OGG1: variants seen among roughly 807,000 people sequenced by gnomAD.
OGG1 encodes N-glycosylase/DNA lyase.
OGG1 carries 35 observed loss-of-function variants against 42.3 expected under a neutral mutation model. The ratio of observed to expected loss-of-function variants is 0.83; its 90% CI spans 0.63 to 1.10. The LOEUF is 1.10. Ranked by LOEUF, OGG1 falls within the 50% of genes least tolerant of loss-of-function variation. OGG1 has a pLI of 0.00. For missense variants in OGG1, 484 were observed against 446.7 expected, an observed-to-expected ratio of 1.08 and a Z score of -0.75; for synonymous variants, 189 against 179.0, an observed-to-expected ratio of 1.06 and a Z score of -0.44.
rs535584369 is a variant in OGG1, at chr3:9,774,485, A to G, written c.295-7028A>G. ...CTTTTTTTCAAAAAGTGAAAACCCT[A>G]CTCTACTCCGAAATGGTAGCCAAAA... is the stretch of plus-strand genomic sequence containing the variant. On this transcript the variant is annotated intron_variant, in intron 2 of 3. Transcript: ENST00000426518. Among the ~76,000 whole-genome samples, 5 of 151,964 alleles carry G rather than the reference A, an allele frequency of 3.3e-5. No individual in the cohort carries two copies. The East Asian group carries it at 9.7e-4, about 29-fold the overall frequency.
intron 2 of OGG1, among the ~76,000 whole-genome samples, chr3:9,775,036 G>C (rs1256232568): frequency 1.3e-5 from 2 of 150,722 alleles, no homozygotes; most frequent in Non-Finnish European, 3.0e-5. Context: ...GATCACTTGA[G>C]CCCAGGAGTT....
downstream of OGG1, chr3:9,761,909 A>G: frequency 8.2e-7 from 1 of 1,218,190 alleles, no homozygotes. Flanking sequence ...GAAGCTCTCA[A>G]GAAGGCCAAA....
At chr3:9,779,508 C>A (rs1376109682) in intron 2 of OGG1, among the ~76,000 whole-genome samples, 2 of 150,496 alleles carry the variant, frequency 1.3e-5, no homozygotes, top group African/African-American at 4.9e-5. Flanking sequence ...GAAACCTGGA[C>A]CCTTGGGGGA....
chr3:9,784,323 GCA>G, intron 3 of OGG1: 1 of 1,394,748 alleles, frequency 7.2e-7, no homozygotes, highest in Non-Finnish European at 9.6e-7. Flanking sequence ...TTCCCTTTGG[GCA>G]CCCCCTCTGT....
In OGG1 at chr3:9,750,248, GGTAGGCGGGGCTA is replaced by G; in HGVS notation, c.-38_-26del. ...TGGGCGTCGACGAGGCCTGGTTCTG[GGTAGGCGGGGCTA>G]CTACGGGGCGGTGCCTGCTGTGGAA... On this transcript the variant is annotated 5_prime_UTR_variant, in exon 1 of 7. Transcript: ENST00000344629. The G allele has an allele frequency of 6.3e-7, 1 of 1,593,032 alleles. No homozygotes were observed. The highest frequency in any genetic ancestry group is 8.5e-7 in the Non-Finnish European group (1 of 1,169,714).
chr3:9,759,131 G>C, downstream of OGG1: 1 of 1,415,082 alleles, frequency 7.1e-7, no homozygotes, highest in East Asian at 2.3e-5. Flanking sequence ...TGCACTTCCC[G>C]GAATGGCTAT....
In OGG1 at chr3:9,754,717, G is replaced by A; in HGVS notation, c.579G>A (p.Glu193=). The change falls in exon 4 of 7, where the codon GAG becomes GAA. Residue 193 remains glutamate (E), a synonymous_variant. Coordinates refer to ENST00000344629, the MANE Select transcript of OGG1 (RefSeq NM_002542.6). ...CACTCCCCGCAGGGCCAGAGGTGGA[G>A]GCTCATCTCAGGAAGCTGGGCCTGG... The part of the protein sequence containing the change: ...SLQALAGPEV[E]AHLRKLGLGY... The A allele has an allele frequency of 6.2e-7, 1 of 1,614,164 alleles. No individual in the cohort carries two copies. Among genetic ancestry groups the A allele is most frequent in the Non-Finnish European group, 8.5e-7 (1 of 1,180,024 alleles).
At chr3:9,779,950 A>T (rs1317130543) in intron 2 of OGG1, 2 of 156,528 alleles carry the variant, frequency 1.3e-5, no homozygotes, top group Non-Finnish European at 2.8e-5. Context: ...TGTAACAGAC[A>T]TTCAAAGACT....
At chr3:9,761,834 C>A, downstream of OGG1, 1 of 1,558,560 alleles carries the variant, frequency 6.4e-7, no homozygotes, top group Non-Finnish European at 8.7e-7. Context: ...GCTCCAAGCA[C>A]CTTCTGAGAA....
At chr3:9,763,979 T>G (rs1452238169) in intron 7 of OGG1, among the ~76,000 whole-genome samples, 4 of 151,826 alleles carry the variant, frequency 2.6e-5, no homozygotes, top group African/African-American at 9.7e-5. Context: ...AGAGCAAAAC[T>G]CCATCTCAAA....
At chr3:9,758,624 C>G (rs2077699065), downstream of OGG1, 1 of 162,844 alleles carries the variant, frequency 6.1e-6, no homozygotes, top group Non-Finnish European at 1.3e-5. Flanking sequence ...TCTCTGCATC[C>G]TGAGAGCTCT....
chr3:9,750,927 C>A lies in OGG1; in HGVS notation c.138-18C>A. 6.2e-7 allele frequency: 1 copy of A among 1,613,638 alleles called. No homozygotes were observed. Among genetic ancestry groups the A allele is most frequent in the Non-Finnish European group, 8.5e-7 (1 of 1,179,932 alleles). On this transcript the variant is annotated intron_variant, in intron 1 of 6. Coordinates refer to ENST00000344629, the MANE Select transcript of OGG1 (RefSeq NM_002542.6). ...AAAGGAAATTGAGTGCCAGGGTTGT[C>A]ATGTGCCTTGGGCTCAGGTGGAGGG...
At chr3:9,761,683 C>G (rs769307935), downstream of OGG1, 7 of 1,614,072 alleles carry the variant, frequency 4.3e-6, no homozygotes, top group African/African-American at 1.3e-5. Flanking sequence ...CCGGGTCCTC[C>G]ATCTTGGAGA....
intron 3 of OGG1, chr3:9,787,512 C>A (rs577310943): frequency 1.9e-6 from 2 of 1,046,070 alleles, no homozygotes; most frequent in Non-Finnish European, 1.3e-6. Context: ...ACTTCACACT[C>A]TAGTAAGGGA....
At chr3:9,772,316 C>G (rs960583761) in intron 2 of OGG1, among the ~76,000 whole-genome samples, 1 of 152,208 alleles carries the variant, frequency 6.6e-6, no homozygotes, top group African/African-American at 2.4e-5. Context: ...GAGATTCTTT[C>G]GCTTCCCAAG....
Position 9,750,194 on chromosome 3 carries a change from G to A in OGG1, c.-93G>A, listed in dbSNP as rs1189647388. On this transcript the variant is annotated 5_prime_UTR_variant, in exon 1 of 7. Transcript: ENST00000344629. ...AGCACCGTGTGGGCGAGGCCTTAAG[G>A]GTCGTGGTCCTTGTCTGGGCGGGGT... 22 of 1,493,534 alleles carry A rather than the reference G, an allele frequency of 1.5e-5. No individual in the cohort carries two copies. Among genetic ancestry groups the A allele is most frequent in the Non-Finnish European group, 1.8e-5 (20 of 1,111,682 alleles). The allele number at this position is 1,493,534 out of a possible 1,614,324, so 92.5% of individuals were successfully genotyped here.
chr3:9,773,569 A>T lies in OGG1; in HGVS notation c.295-7944A>T, dbSNP rs142382511. ...AAAATAAATAAATGAATAATAATTTAAAAAAAGGTGAGTCAAGGAAAGTCA... is the reference window on the plus strand; with the variant it reads ...AAAATAAATAAATGAATAATAATTTTAAAAAAGGTGAGTCAAGGAAAGTCA... On this transcript the variant is annotated intron_variant, in intron 2 of 3. Coordinates refer to the OGG1 transcript ENST00000426518. Among the ~76,000 whole-genome samples the T allele has an allele frequency of 6.6e-3, 1,001 of 151,986 alleles. 17 individuals carry two copies. The highest frequency in any genetic ancestry group is 0.018 in the African/African-American group (750 of 41,540).
chr3:9,781,833 C>CTT (rs35246642), intron 3 of OGG1, among the ~76,000 whole-genome samples: 1,343 of 86,822 alleles, frequency 0.015, 34 homozygotes, highest in African/African-American at 0.047. Context: ...CCCATTACTT[C>CTT]TTTTTTTTTT....
At chr3:9,760,974 G>A (rs1278899058), downstream of OGG1, 14 of 673,176 alleles carry the variant, frequency 2.1e-5, no homozygotes, top group East Asian at 3.8e-4. Context: ...CCTCCTCAGG[G>A]CCTTTGCACT....
Sources: allele counts gnomAD v4.1 joint callset (sites outside exome capture counted in the v4.1 genomes callset), GRCh38; gene constraint gnomAD v4.1.1; transcripts MANE v1.5; gene names NCBI Gene and HGNC (gene_info 2026-07-23, HGNC 2026-07-21).